Variants in NLGN1 observed in about 807,000 individuals in gnomAD.
The protein encoded by NLGN1 is neuroligin 1.
NLGN1 carries 12 observed loss-of-function variants against 65.5 expected under a neutral mutation model. That is an observed-to-expected ratio of 0.18 (90% CI 0.12 to 0.30). The LOEUF is 0.30. NLGN1 is among the 10% of genes least tolerant of loss of function. The pLI is 1.00. For missense variants in NLGN1, 750 were observed against 1,007.1 expected (o/e 0.74, Z 3.46); for synonymous variants, 350 against 359.5 (o/e 0.97, Z 0.30).
intron 3 of NLGN1, among the ~76,000 whole-genome samples, chr3:173,614,510 G>T (rs781728344): frequency 2.6e-5 from 4 of 151,958 alleles, no homozygotes; most frequent in Non-Finnish European, 4.4e-5. Flanking sequence ...CTTTCTCAGC[G>T]CACCATCTTT....
intron 4 of NLGN1, among the ~76,000 whole-genome samples, chr3:173,819,428 T>A (rs1719733572): frequency 6.6e-6 from 1 of 152,190 alleles, no homozygotes; most frequent in Non-Finnish European, 1.5e-5. Flanking sequence ...CCAGATCTGC[T>A]GAATTACTTT....
At position 173,826,921 on chromosome 3, in the gene NLGN1, T is replaced by A. The variant is rs371868294; in HGVS notation, c.646+19089T>A. Among the ~76,000 whole-genome samples, 14 of 152,116 alleles carry A rather than the reference T, an allele frequency of 9.2e-5. No individual in the cohort carries two copies. In the East Asian group the frequency reaches 2.5e-3, roughly 27 times the overall value. ...TTTTAGATGGGGGTTGGAGGAGGTA[T>A]ATAGGAAACAAATAAACAAAACAGA... On this transcript the variant is annotated intron_variant, in intron 4 of 6. Transcript: ENST00000457714.
At chr3:173,885,312 T>C (rs1469457864) in intron 4 of NLGN1, among the ~76,000 whole-genome samples, 1 of 152,154 alleles carries the variant, frequency 6.6e-6, no homozygotes, top group Non-Finnish European at 1.5e-5. Flanking sequence ...TTTTCAAACA[T>C]ATGATATCTG....
At chr3:174,104,800 G>T (rs1340540102) in intron 4 of NLGN1, among the ~76,000 whole-genome samples, 1 of 152,062 alleles carries the variant, frequency 6.6e-6, no homozygotes, top group African/African-American at 2.4e-5. Context: ...CAGGGTTAGG[G>T]TTAATATTTT....
intron 3 of NLGN1, among the ~76,000 whole-genome samples, chr3:173,723,613 C>T (rs974183584): frequency 2.0e-5 from 3 of 152,108 alleles, no homozygotes; most frequent in African/African-American, 4.8e-5. Flanking sequence ...TATGTTATAA[C>T]TGCCACCTGG....
chr3:174,008,741 C>T (rs1724942253), intron 4 of NLGN1, among the ~76,000 whole-genome samples: 2 of 151,940 alleles, frequency 1.3e-5, no homozygotes, highest in South Asian at 4.2e-4. Flanking sequence ...TAATCACCTG[C>T]ACAATGAGTA....
intron 4 of NLGN1, among the ~76,000 whole-genome samples, chr3:173,954,143 GA>G (rs34501405): frequency 4.9e-4 from 73 of 148,438 alleles, no homozygotes; most frequent in African/African-American, 8.9e-4. Context: ...AAGAAAAAAT[GA>G]AAAAAAAATG....
At chr3:173,662,893 A>G (rs1761140970) in intron 3 of NLGN1, among the ~76,000 whole-genome samples, 1 of 152,010 alleles carries the variant, frequency 6.6e-6, no homozygotes, top group Admixed American at 6.6e-5. Flanking sequence ...TTCCATAGGT[A>G]TTTGGAGAAA....
intron 4 of NLGN1, among the ~76,000 whole-genome samples, chr3:174,055,177 G>C (rs1735795940): frequency 7.6e-6 from 1 of 131,622 alleles, no homozygotes; most frequent in South Asian, 2.3e-4. Context: ...TTTCTGTCCA[G>C]TGCCTAAAAT....
chr3:173,527,643 C>T (rs945922453), intron 2 of NLGN1, among the ~76,000 whole-genome samples: 7 of 152,150 alleles, frequency 4.6e-5, no homozygotes, highest in Admixed American at 2.6e-4. Flanking sequence ...GTGATCTGCC[C>T]GCCTCGGCCT....
chr3:174,228,376 A>G (rs1330980103), intron 4 of NLGN1, among the ~76,000 whole-genome samples: 1 of 152,086 alleles, frequency 6.6e-6, no homozygotes, highest in Non-Finnish European at 1.5e-5. Context: ...ATTTGGCTCA[A>G]TTATGAGTTC....
intron 4 of NLGN1, among the ~76,000 whole-genome samples, chr3:173,873,715 A>G (rs2150884118): frequency 6.6e-6 from 1 of 152,264 alleles, no homozygotes; most frequent in East Asian, 1.9e-4. Flanking sequence ...CTTAATTGTC[A>G]TCATCTCATT....
Position 174,279,682 on chromosome 3 carries a change from A to G in NLGN1, c.1649+32A>G. The G allele has an allele frequency of 7.6e-7, 1 of 1,314,832 alleles. No homozygotes were observed. Among genetic ancestry groups the G allele is most frequent in the Non-Finnish European group, 1.1e-6 (1 of 947,388 alleles). 81.4% of individuals were successfully genotyped at this position (1,314,832 alleles called of 1,614,324 possible). ...ACCTAAGGAATGAAGTTTATTTTTAATAAAAATGTTATTTTAACCATTTTA... is the reference window on the plus strand; with the variant it reads ...ACCTAAGGAATGAAGTTTATTTTTAGTAAAAATGTTATTTTAACCATTTTA... On this transcript the variant is annotated intron_variant, in intron 6 of 6. Transcript: ENST00000457714. The surrounding 1 kb of genome is among the most constrained non-coding windows in gnomAD (Gnocchi z 4.7).
At chr3:173,896,831 C>T (rs1736435898) in intron 4 of NLGN1, among the ~76,000 whole-genome samples, 1 of 152,112 alleles carries the variant, frequency 6.6e-6, no homozygotes, top group African/African-American at 2.4e-5. Flanking sequence ...TTTCCCTCAG[C>T]TAGAGACCTG....
chr3:174,215,214 A>C (rs1242567185), intron 4 of NLGN1, among the ~76,000 whole-genome samples: 2 of 152,152 alleles, frequency 1.3e-5, no homozygotes, highest in Admixed American at 1.3e-4. Flanking sequence ...GAAATTCAAT[A>C]ATCTTATACT....
intron 4 of NLGN1, among the ~76,000 whole-genome samples, chr3:174,162,618 A>G (rs1372026333): frequency 6.6e-6 from 1 of 151,880 alleles, no homozygotes; most frequent in Non-Finnish European, 1.5e-5. Flanking sequence ...TATATTCATT[A>G]TATTCCAACA....
intron 2 of NLGN1, among the ~76,000 whole-genome samples, chr3:173,497,405 T>A (rs1248276558): frequency 8.0e-5 from 12 of 150,772 alleles, no homozygotes; most frequent in South Asian, 2.1e-4. Context: ...AATAAATAAA[T>A]AAATAAATAA....
At chr3:174,220,825 T>C (rs1467655584) in intron 4 of NLGN1, among the ~76,000 whole-genome samples, 1 of 152,186 alleles carries the variant, frequency 6.6e-6, no homozygotes, top group Non-Finnish European at 1.5e-5. Context: ...AGCAATTCTG[T>C]GTATTAATTA....
At chr3:174,141,827 A>G (rs1044219087) in intron 4 of NLGN1, among the ~76,000 whole-genome samples, 1 of 152,198 alleles carries the variant, frequency 6.6e-6, no homozygotes, top group Non-Finnish European at 1.5e-5. Flanking sequence ...ATAAAACAGG[A>G]TATGATACAG....
Sources: gnomAD v4.1 joint callset for allele counts (sites outside exome capture counted in the v4.1 genomes callset) on GRCh38, gnomAD v4.1.1 for gene constraint, Gnocchi (gnomAD v3.1) non-coding constraint, MANE v1.5 for transcripts, NCBI Gene and HGNC (gene_info 2026-07-23, HGNC 2026-07-21) for gene names.